Variants in CLVS1 observed in about 807,000 individuals in gnomAD.
The protein encoded by CLVS1 is clavesin-1.
In CLVS1, 10 loss-of-function variants were observed where a neutral mutation model predicts 33.1. The observed-to-expected ratio is 0.30, with a 90% CI of 0.19 to 0.51. CLVS1 has a LOEUF of 0.51. CLVS1 is among the 20% of genes least tolerant of loss of function. CLVS1 has a pLI of 0.97. For synonymous variants in CLVS1, 163 were observed against 166.1 expected, an observed-to-expected ratio of 0.98 and a Z score of 0.14; for missense variants, 343 against 433.4, an observed-to-expected ratio of 0.79 and a Z score of 1.85.
chr8:61,191,804 G>T (rs1385215240), intron 2 of CLVS1, among the ~76,000 whole-genome samples: 1 of 152,194 alleles, frequency 6.6e-6, no homozygotes, highest in African/African-American at 2.4e-5. Flanking sequence ...AAATACCTAG[G>T]AATCCAACTT....
rs1241154215 is a variant in CLVS1, at chr8:61,500,766, G to A, written c.*1224G>A. On this transcript the variant is annotated 3_prime_UTR_variant, in exon 6 of 6. Coordinates refer to ENST00000325897, the MANE Select transcript of CLVS1 (RefSeq NM_173519.3). The stretch of plus-strand genomic sequence containing the variant: ...GGGTATTTATTAGTATTACCAGTTG[G>A]TGCTCAAAGTCAAACAAAAATATTT... 5 of 152,080 alleles carry A rather than the reference G, an allele frequency of 3.3e-5. No individual in the cohort carries two copies. Among genetic ancestry groups the A allele is most frequent in the South Asian group, 2.1e-4 (1 of 4,824 alleles). 9.4% of individuals were successfully genotyped at this position (152,080 alleles called of 1,614,324 possible).
chr8:61,294,292 A>G (rs966546205), intron 1 of CLVS1, among the ~76,000 whole-genome samples: 3 of 152,148 alleles, frequency 2.0e-5, no homozygotes, highest in Non-Finnish European at 2.9e-5. Context: ...TCTAAATCTC[A>G]GATTCATCTT....
chr8:61,466,632 T>C (rs899942710), intron 5 of CLVS1, among the ~76,000 whole-genome samples: 1 of 152,172 alleles, frequency 6.6e-6, no homozygotes, highest in Non-Finnish European at 1.5e-5. Context: ...AAAATGGCTA[T>C]AGATATTATT....
chr8:61,014,084 T>C, the CLVS1 span, among the ~76,000 whole-genome samples: 1 of 122,024 alleles, frequency 8.2e-6, no homozygotes, highest in Non-Finnish European at 1.6e-5. Flanking sequence ...GACTTTTTAG[T>C]GTTTTTTTTT....
At chr8:61,183,713 A>C (rs771236040) in intron 2 of CLVS1, among the ~76,000 whole-genome samples, 2 of 152,178 alleles carry the variant, frequency 1.3e-5, no homozygotes, top group Non-Finnish European at 2.9e-5. Context: ...TAGCATTTGC[A>C]ACTCCTATTT....
At chr8:61,175,601 TAA>T (rs1807098207) in intron 2 of CLVS1, among the ~76,000 whole-genome samples, 1 of 152,142 alleles carries the variant, frequency 6.6e-6, no homozygotes, top group African/African-American at 2.4e-5. Flanking sequence ...AGTGTCCTTA[TAA>T]GAAGAGAGAG....
At chr8:61,438,679 C>T (rs555302405) in intron 3 of CLVS1, among the ~76,000 whole-genome samples, 4 of 152,168 alleles carry the variant, frequency 2.6e-5, no homozygotes, top group Non-Finnish European at 4.4e-5. Context: ...TCTACAACCT[C>T]GCCAGCATCT....
intron 2 of CLVS1, among the ~76,000 whole-genome samples, chr8:61,258,437 T>A (rs1469932466): frequency 6.6e-6 from 1 of 152,156 alleles, no homozygotes; most frequent in Admixed American, 6.5e-5. Flanking sequence ...TTATTTCATA[T>A]CATTGAGCAA....
At chr8:61,399,857 A>G (rs981549708) in intron 3 of CLVS1, among the ~76,000 whole-genome samples, 9 of 152,010 alleles carry the variant, frequency 5.9e-5, no homozygotes, top group Non-Finnish European at 1.0e-4. Flanking sequence ...GTGTGCAGTC[A>G]TATTTCTGGG....
chr8:61,227,494 T>C (rs1808356611), intron 2 of CLVS1, among the ~76,000 whole-genome samples: 1 of 152,178 alleles, frequency 6.6e-6, no homozygotes, highest in South Asian at 2.1e-4. Context: ...TTCTCTCCTG[T>C]TTAAATAATC....
At chr8:61,011,903 G>A in the CLVS1 span, among the ~76,000 whole-genome samples, 2 of 152,248 alleles carry the variant, frequency 1.3e-5, no homozygotes, top group Admixed American at 6.5e-5. Context: ...AGTGAATGGC[G>A]ATCTGCGTCT....
At chr8:61,178,139 A>G (rs1807154071) in intron 2 of CLVS1, among the ~76,000 whole-genome samples, 1 of 152,232 alleles carries the variant, frequency 6.6e-6, no homozygotes, top group South Asian at 2.1e-4. Context: ...TAATCAGTTT[A>G]GAGAGGAACA....
At chr8:61,395,623 T>TAAAAGA (rs111450231) in intron 3 of CLVS1, among the ~76,000 whole-genome samples, 3,139 of 152,224 alleles carry the variant, frequency 0.021, 90 homozygotes, top group African/African-American at 0.071. Context: ...AAATAAATAT[T>TAAAAGA]AAAAGATTGC....
intron 5 of CLVS1, among the ~76,000 whole-genome samples, chr8:61,492,544 T>G (rs1196188521): frequency 6.6e-6 from 1 of 152,152 alleles, no homozygotes; most frequent in Non-Finnish European, 1.5e-5. Flanking sequence ...TTCTTCTTTG[T>G]TACAAGATGG....
At chr8:61,062,321 T>G (rs972751709) in intron 1 of CLVS1, among the ~76,000 whole-genome samples, 2 of 152,228 alleles carry the variant, frequency 1.3e-5, no homozygotes, top group Non-Finnish European at 2.9e-5. Context: ...CAGTGTCTAC[T>G]CACATAAAAT....
At chr8:61,207,359 T>TG (rs1807875005) in intron 2 of CLVS1, among the ~76,000 whole-genome samples, 6 of 151,318 alleles carry the variant, frequency 4.0e-5, no homozygotes, top group South Asian at 4.2e-4. Flanking sequence ...GCTCCAGGGA[T>TG]TTGCAGCGGT....
upstream of CLVS1, among the ~76,000 whole-genome samples, chr8:61,054,234 C>T (rs1405722468): frequency 6.6e-6 from 1 of 152,164 alleles, no homozygotes; most frequent in African/African-American, 2.4e-5. Flanking sequence ...AGGGTCAGCT[C>T]CCTATCTCCT....
intron 2 of CLVS1, among the ~76,000 whole-genome samples, chr8:61,141,616 C>G (rs1021198056): frequency 6.6e-6 from 1 of 152,214 alleles, no homozygotes; most frequent in Non-Finnish European, 1.5e-5. Context: ...TTGAGTACCA[C>G]TTACTCTCAC....
At chr8:61,321,943 A>AT (rs552147004) in intron 2 of CLVS1, among the ~76,000 whole-genome samples, 69 of 152,018 alleles carry the variant, frequency 4.5e-4, no homozygotes, top group Non-Finnish European at 7.1e-4. Flanking sequence ...CCCTGATGCT[A>AT]TTTTTTCTTT....
Sources: gnomAD v4.1 joint callset for allele counts (sites outside exome capture counted in the v4.1 genomes callset) on GRCh38, gnomAD v4.1.1 for gene constraint, MANE v1.5 for transcripts, NCBI Gene and HGNC (gene_info 2026-07-23, HGNC 2026-07-21) for gene names.